The following EIF4G3 variants were observed in gnomAD, a reference collection of about 807,000 sequenced individuals.
The protein encoded by EIF4G3 is eIF-4-gamma 3.
A neutral mutation model predicts 186.4 loss-of-function variants in EIF4G3; 34 were observed. The ratio of observed to expected loss-of-function variants is 0.18; its 90% CI spans 0.14 to 0.24. EIF4G3 has a LOEUF of 0.24. EIF4G3 is among the 10% of genes least tolerant of loss of function. The pLI is 1.00. For missense variants in EIF4G3, 1,536 were observed against 1,948.5 expected (o/e 0.79, Z 3.99); for synonymous variants, 673 against 679.5 (o/e 0.99, Z 0.15).
Position 20,895,345 on chromosome 1 carries a change from T to C in EIF4G3, c.2133+23A>G, listed in dbSNP as rs751038958. 2.5e-6 allele frequency: 4 copies of C among 1,602,700 alleles called. No homozygotes were observed. In the African/African-American group the frequency reaches 4.0e-5, roughly 16 times the overall value. ...ATCAGTTCCCACCAAAAAGAACTAGTTTTCTCTGAGTACGCAGCTTACCTT... is the reference window on the plus strand; with the variant it reads ...ATCAGTTCCCACCAAAAAGAACTAGCTTTCTCTGAGTACGCAGCTTACCTT... On this transcript the variant is annotated intron_variant, in intron 17 of 36. Coordinates refer to ENST00000602326, the MANE Select transcript of EIF4G3 (RefSeq NM_001391906.1).
intron 14 of EIF4G3, among the ~76,000 whole-genome samples, chr1:20,933,441 G>C (rs1465948981): frequency 6.6e-6 from 1 of 152,108 alleles, no homozygotes; most frequent in Non-Finnish European, 1.5e-5. Flanking sequence ...TGGATCACAA[G>C]GTCAGGAGTT....
At chr1:20,929,071 T>G (rs1299412566) in intron 14 of EIF4G3, among the ~76,000 whole-genome samples, 1 of 152,246 alleles carries the variant, frequency 6.6e-6, no homozygotes, top group East Asian at 1.9e-4. Flanking sequence ...TTCCTTATCA[T>G]GGTCCGATAT....
intron 26 of EIF4G3, among the ~76,000 whole-genome samples, 167 bp from the exon 27 acceptor site, chr1:20,853,844 G>T (rs1428575622): frequency 2.6e-5 from 4 of 152,126 alleles, no homozygotes; most frequent in Non-Finnish European, 5.9e-5. Flanking sequence ...AAGTGTTAGA[G>T]GGAATTTGCA....
At chr1:20,822,576 T>C (rs2062686844) in intron 33 of EIF4G3, among the ~76,000 whole-genome samples, 1 of 150,966 alleles carries the variant, frequency 6.6e-6, no homozygotes, top group Non-Finnish European at 1.5e-5. Context: ...TTTGTTCTTA[T>C]TGTTCTAATT....
chr1:20,871,587 T>C (rs1259146844), intron 20 of EIF4G3, among the ~76,000 whole-genome samples: 1 of 152,220 alleles, frequency 6.6e-6, no homozygotes, highest in Non-Finnish European at 1.5e-5. Context: ...GGAATTCTTT[T>C]AAATGCCTGT....
At chr1:20,840,404 A>G (rs1364767179) in intron 30 of EIF4G3, among the ~76,000 whole-genome samples, 7 of 152,272 alleles carry the variant, frequency 4.6e-5, no homozygotes, top group African/African-American at 1.7e-4. Flanking sequence ...CCATGAGGCT[A>G]GAGTGGGCAC....
At chr1:20,842,254 G>A (rs948389044) in intron 29 of EIF4G3, among the ~76,000 whole-genome samples, 12 of 152,180 alleles carry the variant, frequency 7.9e-5, no homozygotes, top group Admixed American at 2.6e-4. Context: ...TTGAGAACCC[G>A]ACTTTACATG....
intron 3 of EIF4G3, among the ~76,000 whole-genome samples, chr1:21,086,948 A>G (rs972947391): frequency 2.0e-5 from 3 of 151,644 alleles, no homozygotes; most frequent in African/African-American, 7.3e-5. Flanking sequence ...CAAAAAAAAA[A>G]AAAAAGAAAA....
intron 2 of EIF4G3, among the ~76,000 whole-genome samples, chr1:21,102,992 T>C (rs2096553493): frequency 2.0e-5 from 3 of 152,236 alleles, no homozygotes; most frequent in South Asian, 2.1e-4. Context: ...AACTATATTA[T>C]GCTTTAATTC....
At chr1:21,124,128 T>C (rs1028849583) in intron 2 of EIF4G3, among the ~76,000 whole-genome samples, 1 of 151,788 alleles carries the variant, frequency 6.6e-6, no homozygotes, top group Non-Finnish European at 1.5e-5. Flanking sequence ...CCATCTCTAC[T>C]AAAAATACAA....
At chr1:21,100,466 T>C (rs2096490384) in intron 2 of EIF4G3, among the ~76,000 whole-genome samples, 1 of 152,134 alleles carries the variant, frequency 6.6e-6, no homozygotes, top group African/African-American at 2.4e-5. Context: ...GAGACAAGCA[T>C]CTTATCTGTT....
chr1:21,023,533 G>T (rs929204811), intron 4 of EIF4G3, among the ~76,000 whole-genome samples: 7 of 152,096 alleles, frequency 4.6e-5, no homozygotes, highest in South Asian at 2.1e-4. Flanking sequence ...GTGCCGGGAT[G>T]GCAGACGGAG....
Position 20,856,890 on chromosome 1 carries a change from C to T in EIF4G3, c.3339+513G>A, listed in dbSNP as rs1015872604. On this transcript the variant is annotated intron_variant, in intron 25 of 36. Coordinates refer to ENST00000602326, the MANE Select transcript of EIF4G3 (RefSeq NM_001391906.1). ...ATAGAAGTAGAAATGAGGCCGGGCG[C>T]GGTGGCTCACGCCTGTAATCCCAGC... Among the ~76,000 whole-genome samples, 11 of 152,140 alleles carry T rather than the reference C, an allele frequency of 7.2e-5. No homozygotes were observed. The East Asian group carries it at 1.5e-3, about 21-fold the overall frequency.
chr1:21,023,032 G>GA (rs1257977777), intron 4 of EIF4G3, among the ~76,000 whole-genome samples: 1 of 152,016 alleles, frequency 6.6e-6, no homozygotes, highest in Admixed American at 6.5e-5. Context: ...ACATTAGAAT[G>GA]AAAAAAACTC....
At chr1:21,132,650 G>C (rs749344298) in intron 2 of EIF4G3, among the ~76,000 whole-genome samples, 16 of 152,046 alleles carry the variant, frequency 1.1e-4, no homozygotes, top group Non-Finnish European at 2.2e-4. Context: ...ATGTTGTGTA[G>C]GCTGGTGTCA....
chr1:21,047,548 T>G (rs2093963296), intron 4 of EIF4G3, among the ~76,000 whole-genome samples: 1 of 152,126 alleles, frequency 6.6e-6, no homozygotes, highest in Admixed American at 6.5e-5. Context: ...TTACTTCCCC[T>G]CTAAAACTCC....
intron 4 of EIF4G3, among the ~76,000 whole-genome samples, chr1:21,046,928 T>TCA (rs1304810524): frequency 7.2e-5 from 11 of 152,274 alleles, no homozygotes; most frequent in African/African-American, 2.6e-4. Context: ...GAACCAAGTC[T>TCA]GGCAGGAATA....
At chr1:20,916,428 TAGAG>T (rs1221168900) in intron 14 of EIF4G3, among the ~76,000 whole-genome samples, 5 of 150,150 alleles carry the variant, frequency 3.3e-5, no homozygotes, top group Non-Finnish European at 5.9e-5. Context: ...GCCTGAGCAA[TAGAG>T]AGAGACTCTG....
At chr1:20,994,626 TAC>T in intron 7 of EIF4G3, among the ~76,000 whole-genome samples, 1 of 132,990 alleles carries the variant, frequency 7.5e-6, no homozygotes, top group African/African-American at 2.8e-5. Flanking sequence ...TAAACATATA[TAC>T]TTTTTTTTTT....
Sources: gnomAD v4.1 joint callset for allele counts (sites outside exome capture counted in the v4.1 genomes callset) on GRCh38, gnomAD v4.1.1 for gene constraint, MANE v1.5 for transcripts, NCBI Gene and HGNC (gene_info 2026-07-23, HGNC 2026-07-21) for gene names.